The following SNTB2 variants were observed in gnomAD, a reference collection of about 807,000 sequenced individuals.
The protein encoded by SNTB2 is beta-2-syntrophin.
SNTB2 carries 34 observed loss-of-function variants against 46.2 expected under a neutral mutation model. That is an observed-to-expected ratio of 0.74 (90% CI 0.56 to 0.98). The LOEUF (loss-of-function observed/expected upper bound fraction) is 0.98, where lower values mean the gene tolerates loss of function less well. Among genes scored for constraint, SNTB2 ranks in the 50% least tolerant of loss-of-function variants. The probability of loss-of-function intolerance (pLI) is 0.00; values close to 1 mark genes in which losing one functional copy is unlikely to be tolerated. For missense variants in SNTB2, 603 were observed against 731.4 expected (o/e 0.82, Z 2.02); for synonymous variants, 290 against 312.6 (o/e 0.93, Z 0.76).
chr16:69,287,899 A>G (rs1174070841), intron 5 of SNTB2, among the ~76,000 whole-genome samples: 3 of 151,874 alleles, frequency 2.0e-5, no homozygotes, highest in African/African-American at 7.3e-5. Context: ...CATTGGGCCA[A>G]GCACGGTAGT....
At chr16:69,197,616 C>T (rs1964117466) in intron 1 of SNTB2, among the ~76,000 whole-genome samples, 1 of 152,020 alleles carries the variant, frequency 6.6e-6, no homozygotes, top group Non-Finnish European at 1.5e-5. Context: ...TGATATATTA[C>T]TATGTTATTT....
chr16:69,205,120 C>G (rs1299684908), intron 1 of SNTB2, among the ~76,000 whole-genome samples: 1 of 151,532 alleles, frequency 6.6e-6, no homozygotes, highest in Non-Finnish European at 1.5e-5. Context: ...TACAGTTGCC[C>G]TCAATTTCAT....
At chr16:69,262,877 T>C (rs550384596) in intron 3 of SNTB2, among the ~76,000 whole-genome samples, 1 of 152,106 alleles carries the variant, frequency 6.6e-6, no homozygotes, top group East Asian at 1.9e-4. Context: ...GGCTTCACCA[T>C]GTTGGCCAGG....
At chr16:69,211,808 G>C (rs1964290491) in intron 1 of SNTB2, among the ~76,000 whole-genome samples, 1 of 152,162 alleles carries the variant, frequency 6.6e-6, no homozygotes, top group Non-Finnish European at 1.5e-5. Context: ...TGATACATGA[G>C]TGAGATATAC....
intron 1 of SNTB2, among the ~76,000 whole-genome samples, 184 bp downstream of exon 1, chr16:69,187,930 G>A (rs533194617): frequency 1.3e-5 from 2 of 152,284 alleles, no homozygotes; most frequent in Admixed American, 6.5e-5. Flanking sequence ...GGCAGCCGCC[G>A]AAGTGTGGCT....
intron 2 of SNTB2, among the ~76,000 whole-genome samples, chr16:69,259,388 A>G (rs1054756120): frequency 2.0e-5 from 3 of 150,366 alleles, no homozygotes; most frequent in East Asian, 2.0e-4. Flanking sequence ...ACACGCCCCA[A>G]CGCCCGGCTA....
intron 1 of SNTB2, among the ~76,000 whole-genome samples, chr16:69,209,999 A>G (rs1964263101): frequency 6.7e-6 from 1 of 148,166 alleles, no homozygotes; most frequent in Admixed American, 6.7e-5. Context: ...ACATTCTGAC[A>G]TTCTGATTTT....
chr16:69,189,850 T>C (rs937228943), intron 1 of SNTB2, among the ~76,000 whole-genome samples: 1 of 152,234 alleles, frequency 6.6e-6, no homozygotes, highest in African/African-American at 2.4e-5. Flanking sequence ...CCAGTCTTTA[T>C]TGGGCTAAAA....
chr16:69,265,557 G>A (rs958286124), intron 3 of SNTB2, among the ~76,000 whole-genome samples: 1 of 152,064 alleles, frequency 6.6e-6, no homozygotes, highest in Admixed American at 6.6e-5. Context: ...GGCCCGGAGT[G>A]GTGGCTCACA....
intron 2 of SNTB2, among the ~76,000 whole-genome samples, chr16:69,257,035 G>T (rs1243912553): frequency 6.6e-6 from 1 of 152,046 alleles, no homozygotes; most frequent in Non-Finnish European, 1.5e-5. Flanking sequence ...GCCAGGCTTG[G>T]TGGCATGTAC....
At chr16:69,190,510 G>A (rs998380923) in intron 1 of SNTB2, among the ~76,000 whole-genome samples, 3 of 152,144 alleles carry the variant, frequency 2.0e-5, no homozygotes, top group Non-Finnish European at 4.4e-5. Context: ...GTGGGGAAAC[G>A]GAGAAGTAAA....
chr16:69,270,022 T>C, intron 3 of SNTB2, 121 bp from the exon 4 acceptor site: 1 of 1,085,328 alleles, frequency 9.2e-7, no homozygotes, highest in South Asian at 1.4e-5. Flanking sequence ...TTCCTGAATG[T>C]AAAGTCCATC....
At position 69,247,564 on chromosome 16, in the gene SNTB2, G is replaced by T. The variant is rs1181472901; in HGVS notation, c.794+1749G>T. 2.0e-5 allele frequency among the ~76,000 whole-genome samples: 3 copies of T among 152,068 alleles called. No homozygotes were observed. In the East Asian group the frequency reaches 5.8e-4, roughly 29 times the overall value. ...GGGTGTTTAAGGCTTTAAAGCTTCT[G>T]CTCTGTAGTATATTATGTGGTTTGC... On this transcript the variant is annotated intron_variant, in intron 2 of 6. Coordinates refer to ENST00000336278, the MANE Select transcript of SNTB2 (RefSeq NM_006750.4).
rs1245940258 is a variant in SNTB2 at position 69,304,251 on chromosome 16, A to G, written c.*3327A>G. 6.6e-6 allele frequency: 1 copy of G among 152,610 alleles called. No homozygotes were observed. Among genetic ancestry groups the G allele is most frequent in the African/African-American group, 2.4e-5 (1 of 41,470 alleles). The allele number at this position is 152,610 out of a possible 1,614,324, so 9.5% of individuals were successfully genotyped here. ...GTTGTATATGAAGAAATACTTAAAT[A>G]TAAGTTCCTGCAGTATTTATTAGAT... On this transcript the variant is annotated 3_prime_UTR_variant, in exon 7 of 7. Transcript: ENST00000336278.
At chr16:69,299,352 A>T (rs994451930) in intron 5 of SNTB2, among the ~76,000 whole-genome samples, 4 of 152,052 alleles carry the variant, frequency 2.6e-5, no homozygotes, top group Non-Finnish European at 5.9e-5. Flanking sequence ...CATGTTGGTC[A>T]GGCTGGTCTC....
At chr16:69,232,901 C>G (rs1298402388) in intron 1 of SNTB2, among the ~76,000 whole-genome samples, 1 of 152,142 alleles carries the variant, frequency 6.6e-6, no homozygotes, top group Non-Finnish European at 1.5e-5. Flanking sequence ...ACTTATTTCA[C>G]TATAGCTCAG....
intron 1 of SNTB2, among the ~76,000 whole-genome samples, chr16:69,218,552 G>T (rs965783765): frequency 6.6e-6 from 1 of 151,894 alleles, no homozygotes. Context: ...CTCACGAGTA[G>T]CTGGGATTAC....
intron 5 of SNTB2, among the ~76,000 whole-genome samples, chr16:69,292,380 TA>T (rs1567416349): frequency 3.8e-5 from 1 of 26,210 alleles, no homozygotes; most frequent in Non-Finnish European, 6.3e-5. Flanking sequence ...ATATATATAT[TA>T]TATATATATT....
intron 1 of SNTB2, among the ~76,000 whole-genome samples, chr16:69,242,969 T>C (rs1175664763): frequency 1.2e-4 from 18 of 144,060 alleles, no homozygotes; most frequent in Non-Finnish European, 1.9e-4. Flanking sequence ...TGCAGTGAGC[T>C]GAGATTGTGC....
Sources: gnomAD v4.1 joint callset for allele counts (sites outside exome capture counted in the v4.1 genomes callset) on GRCh38, gnomAD v4.1.1 for gene constraint, MANE v1.5 for transcripts, NCBI Gene and HGNC (gene_info 2026-07-23, HGNC 2026-07-21) for gene names.